Variants in EYS observed in about 807,000 individuals in gnomAD.
EYS encodes protein eyes shut homolog.
A neutral mutation model predicts 282.1 loss-of-function variants in EYS; 250 were observed. The ratio of observed to expected loss-of-function variants is 0.89; its 90% CI spans 0.80 to 0.98. The LOEUF (loss-of-function observed/expected upper bound fraction) is 0.98, where lower values mean the gene tolerates loss of function less well. Ranked by LOEUF, EYS falls within the 50% of genes least tolerant of loss-of-function variation. The probability of loss-of-function intolerance (pLI) is 0.00; values close to 1 mark genes in which losing one functional copy is unlikely to be tolerated. For missense variants in EYS, 4,016 were observed against 3,709.0 expected (o/e 1.08, Z -2.15); for synonymous variants, 1,355 against 1,282.9 (o/e 1.06, Z -1.20).
intron 22 of EYS, among the ~76,000 whole-genome samples, chr6:64,649,656 G>T (rs981981984): frequency 6.6e-6 from 1 of 152,000 alleles, no homozygotes; most frequent in African/African-American, 2.4e-5. Context: ...TCTTTTTATA[G>T]AAATCATAAT....
At chr6:65,559,219 C>T (rs548833335) in intron 2 of EYS, among the ~76,000 whole-genome samples, 1 of 152,036 alleles carries the variant, frequency 6.6e-6, no homozygotes, top group African/African-American at 2.4e-5. Context: ...CCCATTTCTG[C>T]TAAAAATACA....
intron 2 of EYS, among the ~76,000 whole-genome samples, chr6:65,553,352 G>A (rs1191714989): frequency 6.6e-6 from 1 of 152,024 alleles, no homozygotes; most frequent in Non-Finnish European, 1.5e-5. Flanking sequence ...AGATCATAAT[G>A]TTTTGTTCAA....
intron 29 of EYS, among the ~76,000 whole-genome samples, chr6:64,370,680 T>C (rs1055131247): frequency 6.6e-6 from 1 of 152,172 alleles, no homozygotes; most frequent in Non-Finnish European, 1.5e-5. Context: ...GGGTTTTTAT[T>C]AATGATTCAA....
At chr6:65,133,636 C>T (rs1017380629) in intron 12 of EYS, among the ~76,000 whole-genome samples, 9 of 151,960 alleles carry the variant, frequency 5.9e-5, no homozygotes, top group African/African-American at 2.2e-4. Context: ...ATGGATTAAA[C>T]ACTTAAATGT....
At chr6:63,795,077 A>G (rs1239574161) in intron 37 of EYS, among the ~76,000 whole-genome samples, 2 of 152,228 alleles carry the variant, frequency 1.3e-5, no homozygotes, top group African/African-American at 4.8e-5. Flanking sequence ...TGCACAGGAA[A>G]AAAAACTGGA....
At chr6:64,008,096 G>T (rs1184990590) in intron 33 of EYS, among the ~76,000 whole-genome samples, 1 of 152,068 alleles carries the variant, frequency 6.6e-6, no homozygotes, top group Non-Finnish European at 1.5e-5. Context: ...TCCCACTATT[G>T]TTGTATGGTT....
intron 36 of EYS, among the ~76,000 whole-genome samples, chr6:63,807,591 A>G (rs1770939638): frequency 1.3e-5 from 2 of 152,182 alleles, no homozygotes; most frequent in Admixed American, 1.3e-4. Flanking sequence ...TATTATGACT[A>G]TTAAACTAAG....
At position 64,821,702 on chromosome 6, in the gene EYS, T is replaced by C. The variant is rs769541648; in HGVS notation, c.3186A>G (p.Glu1062=). ...CATCTGCATCACATGAACATGGATA[T>C]TCATTAATAAGTTCTGTGCACCTGA... ...LHGRCTELIN[E]YPCSCDADGT... The change falls in exon 21 of 43, where the codon GAA becomes GAG. Residue 1062 remains glutamate, a synonymous_variant. Transcript: ENST00000503581. 12 of 1,525,134 alleles carry C rather than the reference T, an allele frequency of 7.9e-6. No homozygotes were observed. In the South Asian group the frequency reaches 1.5e-4, roughly 19 times the overall value. The allele number at this position is 1,525,134 out of a possible 1,614,324, so 94.5% of individuals were successfully genotyped here.
At chr6:65,673,842 C>T (rs916112917) in intron 1 of EYS, among the ~76,000 whole-genome samples, 3 of 151,960 alleles carry the variant, frequency 2.0e-5, no homozygotes, top group Non-Finnish European at 4.4e-5. Context: ...AAGGCCTCTA[C>T]CCATACAGTG....
chr6:65,673,156 G>A (rs1768454994), intron 1 of EYS, among the ~76,000 whole-genome samples: 1 of 152,062 alleles, frequency 6.6e-6, no homozygotes, highest in South Asian at 2.1e-4. Flanking sequence ...TGACATTCCT[G>A]TCTTTTATAT....
intron 31 of EYS, among the ~76,000 whole-genome samples, chr6:64,214,050 G>C (rs1392582471): frequency 6.6e-6 from 1 of 152,056 alleles, no homozygotes; most frequent in African/African-American, 2.4e-5. Context: ...TCTACAAAAA[G>C]TGAATTATAA....
chr6:64,055,390 C>T (rs1770948167), intron 33 of EYS, among the ~76,000 whole-genome samples: 1 of 152,036 alleles, frequency 6.6e-6, no homozygotes, highest in Non-Finnish European at 1.5e-5. Context: ...ATGATATTCA[C>T]AGAAGCCTAT....
rs140450176 is a variant in EYS at position 64,617,271 on chromosome 6, G to A, written c.3684+147C>T. ...GGACAACAAGGGAAAGAGGAATGCC[G>A]AGAAAAGTGTAGCGTGCACAGAGAA... is the stretch of plus-strand genomic sequence containing the variant. On this transcript the variant is annotated intron_variant, in intron 24 of 42. Coordinates refer to ENST00000503581, the MANE Select transcript of EYS (RefSeq NM_001142800.2). The A allele has an allele frequency of 1.6e-3, 958 of 606,646 alleles. 5 individuals are homozygous for A. Among genetic ancestry groups the A allele is most frequent in the African/African-American group, 0.015 (812 of 53,376 alleles). 37.6% of individuals were successfully genotyped at this position (606,646 alleles called of 1,614,324 possible).
chr6:65,543,551 A>T (rs2127324042), intron 2 of EYS, among the ~76,000 whole-genome samples: 1 of 151,198 alleles, frequency 6.6e-6, no homozygotes, highest in South Asian at 2.1e-4. Flanking sequence ...TAAAATGTTT[A>T]TCTCTTCATA....
intron 24 of EYS, among the ~76,000 whole-genome samples, chr6:64,606,765 A>C (rs1246278777): frequency 6.6e-6 from 1 of 151,164 alleles, no homozygotes; most frequent in African/African-American, 2.5e-5. Context: ...GAATGTGCAC[A>C]CAGCCTTCTC....
chr6:65,133,922 G>GA (rs56318415), intron 12 of EYS, among the ~76,000 whole-genome samples: 22 of 150,132 alleles, frequency 1.5e-4, no homozygotes, highest in East Asian at 7.9e-4. Context: ...AAATTTACAA[G>GA]AAAAAAAAAC....
intron 31 of EYS, among the ~76,000 whole-genome samples, chr6:64,086,165 T>TA (rs1434493720): frequency 4.6e-5 from 7 of 152,302 alleles, no homozygotes; most frequent in Admixed American, 6.5e-5. Context: ...TCATAGTACT[T>TA]AGTGTTCCAA....
At chr6:65,527,071 T>A (rs922114614) in intron 2 of EYS, among the ~76,000 whole-genome samples, 2 of 152,182 alleles carry the variant, frequency 1.3e-5, no homozygotes, top group Non-Finnish European at 2.9e-5. Flanking sequence ...CCATGTCTGT[T>A]ACTGGACCAT....
At chr6:63,994,268 A>C (rs1365950146) in intron 34 of EYS, among the ~76,000 whole-genome samples, 1 of 151,958 alleles carries the variant, frequency 6.6e-6, no homozygotes, top group African/African-American at 2.4e-5. Context: ...CACGGCATTA[A>C]AATTCTGATA....
Sources: allele counts gnomAD v4.1 joint callset (sites outside exome capture counted in the v4.1 genomes callset), GRCh38; gene constraint gnomAD v4.1.1; transcripts MANE v1.5; gene names NCBI Gene and HGNC (gene_info 2026-07-23, HGNC 2026-07-21).